The following RYR3 variants were observed in gnomAD, a reference collection of about 807,000 sequenced individuals.
RYR3 encodes ryanodine receptor 3.
A neutral mutation model predicts 584.3 loss-of-function variants in RYR3; 207 were observed. That is an observed-to-expected ratio of 0.35 (90% confidence interval 0.32 to 0.40). RYR3 has a LOEUF of 0.40. Among genes scored for constraint, RYR3 ranks in the 10% least tolerant of loss-of-function variants. The probability of loss-of-function intolerance (pLI) is 1.00; values close to 1 mark genes in which losing one functional copy is unlikely to be tolerated. For synonymous variants in RYR3, 2,416 were observed against 2,248.5 expected (o/e 1.07, Z -2.11); for missense variants, 5,616 against 6,089.2 (o/e 0.92, Z 2.59).
At chr15:33,605,408 C>T (rs1036011721) in intron 18 of RYR3, among the ~76,000 whole-genome samples, 1 of 152,192 alleles carries the variant, frequency 6.6e-6, no homozygotes, top group African/African-American at 2.4e-5. Context: ...GTGCTCCAGG[C>T]TCATGCCGAA....
intron 89 of RYR3, among the ~76,000 whole-genome samples, chr15:33,839,428 A>G (rs1567291726): frequency 6.6e-6 from 1 of 152,200 alleles, no homozygotes; most frequent in African/African-American, 2.4e-5. Flanking sequence ...CTTGTGATAC[A>G]CTCACTGTTC....
At chr15:33,672,656 T>A (rs2063916643) in intron 38 of RYR3, among the ~76,000 whole-genome samples, 1 of 152,204 alleles carries the variant, frequency 6.6e-6, no homozygotes, top group African/African-American at 2.4e-5. Context: ...GGTTGCTGAT[T>A]ACAGAACCAT....
intron 36 of RYR3, 138 bp from the exon 37 acceptor site, chr15:33,669,216 G>A (rs1263068410): frequency 1.1e-5 from 6 of 522,526 alleles, no homozygotes; most frequent in Non-Finnish European, 2.0e-5. Context: ...TGTAAATATT[G>A]GCCACTTTTA....
At chr15:33,342,692 A>G (rs1365659428) in intron 1 of RYR3, among the ~76,000 whole-genome samples, 1 of 152,220 alleles carries the variant, frequency 6.6e-6, no homozygotes, top group Non-Finnish European at 1.5e-5. Context: ...ATTCAAAAAC[A>G]GAAGCAAGAT....
intron 76 of RYR3, 108 bp from the exon 77 acceptor site, chr15:33,819,648 T>C: frequency 1.5e-6 from 1 of 686,928 alleles, no homozygotes; most frequent in Admixed American, 3.7e-5. Context: ...CACTCCAGCC[T>C]AGGGGACAAG....
intron 64 of RYR3, among the ~76,000 whole-genome samples, chr15:33,776,983 A>C (rs1357336766): frequency 1.3e-5 from 2 of 152,242 alleles, no homozygotes; most frequent in Non-Finnish European, 2.9e-5. Flanking sequence ...GTGAGAACCG[A>C]GACCAGACGA....
At chr15:33,384,601 G>GCACACACACACACA (rs10659855) in intron 1 of RYR3, among the ~76,000 whole-genome samples, 5 of 145,330 alleles carry the variant, frequency 3.4e-5, no homozygotes, top group African/African-American at 1.0e-4. Flanking sequence ...ATCTATATAT[G>GCACACACACACACA]CACACACACA....
chr15:33,324,472 C>T (rs907934192), intron 1 of RYR3, among the ~76,000 whole-genome samples: 1 of 152,154 alleles, frequency 6.6e-6, no homozygotes, highest in African/African-American at 2.4e-5. Flanking sequence ...TCAGTGCTTT[C>T]TATCAATAGA....
intron 11 of RYR3, among the ~76,000 whole-genome samples, chr15:33,563,645 C>A (rs759382369): frequency 6.6e-6 from 1 of 152,098 alleles, no homozygotes; most frequent in Non-Finnish European, 1.5e-5. Flanking sequence ...TCCTGAAATA[C>A]CCTTATAAAA....
At chr15:33,522,755 C>T (rs536803523) in intron 3 of RYR3, among the ~76,000 whole-genome samples, 4 of 152,126 alleles carry the variant, frequency 2.6e-5, no homozygotes, top group Non-Finnish European at 5.9e-5. Context: ...AGGATGGCTA[C>T]CTGTACTTAG....
At chr15:33,849,586 T>C (rs2078956501) in intron 94 of RYR3, 1 of 152,224 alleles carries the variant, frequency 6.6e-6, no homozygotes, top group Non-Finnish European at 1.5e-5. Context: ...TGACAGTTGA[T>C]TCACAAGTAA....
Position 33,336,539 on chromosome 15 carries a change from AGG to A in RYR3, c.51+25445_51+25446del, listed in dbSNP as rs1567047682. ...GAGGGAAGGAGGGAAGGAGGGAAGG[AGG>A]GAAGGAGGGAAGGAAGGAAGAAAAA... On this transcript the variant is annotated intron_variant, in intron 1 of 103. Transcript: ENST00000634891. 4.6e-5 allele frequency among the ~76,000 whole-genome samples: 3 copies of A among 64,966 alleles called. 1 individual carries two copies. Among genetic ancestry groups the A allele is most frequent in the Non-Finnish European group, 1.0e-4 (3 of 29,536 alleles). The allele number at this position is 64,966 out of a possible 152,430, so 42.6% of individuals were successfully genotyped here. A position where few individuals can be genotyped will look rare whatever the true frequency, so the allele number is the denominator to read the frequency against.
intron 1 of RYR3, among the ~76,000 whole-genome samples, chr15:33,367,397 T>C (rs1423227391): frequency 4.6e-5 from 7 of 152,240 alleles, no homozygotes; most frequent in Non-Finnish European, 7.3e-5. Context: ...TCTGCTGTAG[T>C]GTTCAGAGTT....
chr15:33,721,377 C>A (rs138349036), intron 43 of RYR3, among the ~76,000 whole-genome samples: 2 of 152,226 alleles, frequency 1.3e-5, no homozygotes, highest in Non-Finnish European at 2.9e-5. Flanking sequence ...AGCTTAGCGA[C>A]TTCAAAATCC....
intron 49 of RYR3, among the ~76,000 whole-genome samples, chr15:33,736,763 A>T (rs2044881811): frequency 7.1e-6 from 1 of 141,608 alleles, no homozygotes; most frequent in Non-Finnish European, 1.6e-5. Context: ...CTTTTTTTTT[A>T]AATGAGATGG....
chr15:33,723,859 T>A (rs1677289020), intron 44 of RYR3, among the ~76,000 whole-genome samples: 1 of 152,234 alleles, frequency 6.6e-6, no homozygotes, highest in South Asian at 2.1e-4. Flanking sequence ...CATGGAATCC[T>A]GTGAATGTCA....
chr15:33,598,793 C>A (rs1269432567), intron 16 of RYR3, among the ~76,000 whole-genome samples: 11 of 152,076 alleles, frequency 7.2e-5, no homozygotes, highest in Non-Finnish European at 2.9e-5. Flanking sequence ...GTGGCTCACG[C>A]CTGTAATCCC....
chr15:33,813,546 G>C lies in RYR3; in HGVS notation c.10469G>C (p.Cys3490Ser), dbSNP rs376186456. 5 of 1,613,846 alleles carry C rather than the reference G, an allele frequency of 3.1e-6. No individual in the cohort carries two copies. The highest frequency in any genetic ancestry group is 4.2e-6 in the Non-Finnish European group (5 of 1,179,868). ...CAACGGAAACGGGCAGTGGTGGCCT[G>C]TTTCAGGATGGCCCCTCTCTACAAC... ...SKQRKRAVVA[C>S]FRMAPLYNLP... The change falls in exon 74 of 104, where the codon TGT becomes TCT. Residue 3490 changes from cysteine (C) to serine (S), a missense_variant. Cys to Ser is a moderately radical substitution (Grantham distance 112, BLOSUM62 -1). This residue lies in a region of RYR3 where 954 missense variants were observed against 1,132.2 expected (regional missense o/e 0.84). Transcript: ENST00000634891.
At chr15:33,622,720 A>G (rs1482275008) in intron 19 of RYR3, among the ~76,000 whole-genome samples, 3 of 152,180 alleles carry the variant, frequency 2.0e-5, no homozygotes, top group Non-Finnish European at 4.4e-5. Context: ...GTGTTCAATT[A>G]CTGTTGAACC....
Sources: allele counts gnomAD v4.1 joint callset (sites outside exome capture counted in the v4.1 genomes callset), GRCh38; gene constraint gnomAD v4.1.1; regional missense constraint gnomAD v4.1.1; transcripts MANE v1.5; gene names NCBI Gene and HGNC (gene_info 2026-07-23, HGNC 2026-07-21).